The following TMEM40 variants were observed in gnomAD, a reference collection of about 807,000 sequenced individuals.
TMEM40 encodes the protein transmembrane protein 40.
Under a neutral mutation model 40.8 loss-of-function variants are expected in TMEM40, and 34 were observed. That is an observed-to-expected ratio of 0.83 (90% CI 0.63 to 1.11). The LOEUF (loss-of-function observed/expected upper bound fraction) is 1.11, where lower values mean the gene tolerates loss of function less well. TMEM40 is among the 50% of genes least tolerant of loss of function. The pLI is 0.00. For missense variants in TMEM40, 296 were observed against 280.2 expected (o/e 1.06, Z -0.40); for synonymous variants, 106 against 107.0 (o/e 0.99, Z 0.06).
intron 1 of TMEM40, among the ~76,000 whole-genome samples, chr3:12,752,408 A>T (rs2061484714): frequency 6.6e-6 from 1 of 152,226 alleles, no homozygotes; most frequent in Non-Finnish European, 1.5e-5. Context: ...AGGTTCTAAC[A>T]GTTAACTTGT....
At chr3:12,747,711 A>G (rs1382400462) in intron 3 of TMEM40, among the ~76,000 whole-genome samples, 1 of 151,986 alleles carries the variant, frequency 6.6e-6, no homozygotes, top group African/African-American at 2.4e-5. Context: ...GGAGTTCAAG[A>G]CCAGCCTGGC....
intron 2 of TMEM40, among the ~76,000 whole-genome samples, 160 bp downstream of exon 2, chr3:12,749,600 A>G (rs2061457195): frequency 6.6e-6 from 1 of 152,120 alleles, no homozygotes; most frequent in Non-Finnish European, 1.5e-5. Context: ...GACCATGCAA[A>G]TGTGTGTGTG....
At position 12,743,900 on chromosome 3, in the gene TMEM40, C is replaced by A; in HGVS notation, c.301G>T (p.Gly101Cys). ...AGYPHGNGSPGPGHGEPDVLK... is the reference protein window; with the variant it reads ...AGYPHGNGSPCPGHGEPDVLK... ...AAAAATGGTAAGGCCTATTTCCTAC[C>A]GGGTGAGCCGTTCCCGTGGGGGTAT... The change falls in exon 4 of 12, where the codon GGT (glycine) becomes TGT (cysteine). Residue 101 changes from glycine (G) to cysteine (C), a missense_variant and splice_region_variant. Physicochemically the swap from Gly to Cys is radical, Grantham distance 159. Coordinates refer to ENST00000314124, the MANE Select transcript of TMEM40 (RefSeq NM_018306.4). 2.5e-6 allele frequency: 4 copies of A among 1,612,970 alleles called. No homozygotes were observed.
intron 1 of TMEM40, among the ~76,000 whole-genome samples, chr3:12,756,750 T>C (rs2061531065): frequency 6.6e-6 from 1 of 151,912 alleles, no homozygotes; most frequent in Admixed American, 6.6e-5. Flanking sequence ...CTTTCCCATC[T>C]TTCTCTCTCT....
At chr3:12,768,780 G>A (rs527956002) in intron 1 of TMEM40, among the ~76,000 whole-genome samples, 2 of 152,220 alleles carry the variant, frequency 1.3e-5, no homozygotes, top group South Asian at 2.1e-4. Flanking sequence ...TGCCAGTCCC[G>A]CGCAGTGCTC....
intron 3 of TMEM40, among the ~76,000 whole-genome samples, chr3:12,746,614 A>G (rs908695051): frequency 2.6e-5 from 4 of 152,186 alleles, no homozygotes; most frequent in African/African-American, 9.6e-5. Context: ...GTAGCGGGTC[A>G]CTGTCCGCGC....
chr3:12,737,429 C>T (rs1023538183), intron 8 of TMEM40: 24 of 534,984 alleles, frequency 4.5e-5, no homozygotes, highest in Non-Finnish European at 6.6e-5. Flanking sequence ...AGTGACTGTG[C>T]ATAGCAGAAA....
intron 6 of TMEM40, 130 bp from the exon 7 acceptor site, chr3:12,738,298 C>G (rs1030728427): frequency 1.8e-5 from 20 of 1,113,634 alleles, no homozygotes; most frequent in Non-Finnish European, 2.5e-5. Flanking sequence ...CCACGGTATC[C>G]TTCTCTCTAT....
intron 3 of TMEM40, among the ~76,000 whole-genome samples, chr3:12,748,049 C>T (rs184638012): frequency 3.4e-3 from 510 of 152,036 alleles, no homozygotes; most frequent in Middle Eastern, 6.8e-3. Context: ...CAAGGATGCT[C>T]ATGAGCATGA....
In TMEM40 at chr3:12,755,218, TCTCTCTCTCTC is replaced by T. The variant is rs1559533248; in HGVS notation, c.-9+3962_-9+3972del. 1.2e-3 allele frequency among the ~76,000 whole-genome samples: 92 copies of T among 76,876 alleles called. 1 individual carries two copies. In the East Asian group the frequency reaches 0.014, roughly 12 times the overall value. The allele number at this position is 76,876 out of a possible 152,430, so 50.4% of individuals were successfully genotyped here. On this transcript the variant is annotated intron_variant, in intron 1 of 11. Transcript: ENST00000314124. ...TCCTTCCTTTCTTTCTTTCTTTCTCTCTCTCTCTCTCTCTCTCTTTCTTTCTTTCTTTCTTT... is the reference window on the plus strand; with the variant it reads ...TCCTTCCTTTCTTTCTTTCTTTCTCTTCTCTCTTTCTTTCTTTCTTTCTTT...
intron 10 of TMEM40, among the ~76,000 whole-genome samples, 159 bp from the exon 11 acceptor site, chr3:12,735,776 T>C (rs2061332877): frequency 6.6e-6 from 1 of 152,228 alleles, no homozygotes; most frequent in Admixed American, 6.5e-5. Flanking sequence ...TTATTATTAC[T>C]AAAAACAACA....
intron 3 of TMEM40, among the ~76,000 whole-genome samples, chr3:12,747,337 G>A (rs2061437119): frequency 1.3e-5 from 2 of 152,124 alleles, no homozygotes; most frequent in South Asian, 4.1e-4. Flanking sequence ...ATCCCAAGTT[G>A]GTTACTGAGC....
At chr3:12,746,811 G>A (rs1024618095) in intron 3 of TMEM40, among the ~76,000 whole-genome samples, 3 of 152,172 alleles carry the variant, frequency 2.0e-5, no homozygotes, top group Non-Finnish European at 4.4e-5. Flanking sequence ...GGGTGTCTGG[G>A]TGCCAGGGAT....
At chr3:12,759,262 G>A (rs995436466), upstream of TMEM40, 2 of 152,452 alleles carry the variant, frequency 1.3e-5, no homozygotes, top group African/African-American at 4.8e-5. Flanking sequence ...GGCTGGTCAG[G>A]GGAAGGAGAG....
rs2061417623 is a variant in TMEM40 at position 12,745,188 on chromosome 3, T to C, written c.212-1199A>G. On this transcript the variant is annotated intron_variant, in intron 3 of 11. Transcript: ENST00000314124. ...GATTCTCTTGTCTCAGCCTCCTAAG[T>C]AGCTCAGATTACAGGCGTGCACCAC... Among the ~76,000 whole-genome samples the C allele has an allele frequency of 5.9e-5, 9 of 151,328 alleles. No homozygotes were observed. In the South Asian group the frequency reaches 1.7e-3, roughly 28 times the overall value.
At chr3:12,751,603 C>T (rs2061477092) in intron 1 of TMEM40, among the ~76,000 whole-genome samples, 1 of 152,028 alleles carries the variant, frequency 6.6e-6, no homozygotes, top group Admixed American at 6.6e-5. Flanking sequence ...TAAAACTTCC[C>T]ATTTCTCAGA....
intron 1 of TMEM40, among the ~76,000 whole-genome samples, chr3:12,753,125 G>A (rs1273467667): frequency 6.6e-6 from 1 of 151,878 alleles, no homozygotes; most frequent in Non-Finnish European, 1.5e-5. Flanking sequence ...AAGACCCGAT[G>A]TGGCTCTGTT....
chr3:12,737,799 G>A (rs1291346640), intron 7 of TMEM40, 45 bp from the exon 8 acceptor site: 8 of 1,581,146 alleles, frequency 5.1e-6, no homozygotes, highest in South Asian at 3.3e-5. Context: ...GATGCAGGAC[G>A]GGAGGTGGGA....
chr3:12,756,621 A>G (rs1170433053), intron 1 of TMEM40, among the ~76,000 whole-genome samples: 1 of 152,198 alleles, frequency 6.6e-6, no homozygotes. Context: ...CCTGGCTCGC[A>G]TCGTCCTAAC....
Sources: allele counts gnomAD v4.1 joint callset (sites outside exome capture counted in the v4.1 genomes callset), GRCh38; gene constraint gnomAD v4.1.1; transcripts MANE v1.5; gene names NCBI Gene and HGNC (gene_info 2026-07-23, HGNC 2026-07-21).